LACTBL1: variants seen among roughly 807,000 people sequenced by gnomAD.
LACTBL1 encodes beta-lactamase-like protein 1.
A neutral mutation model predicts 39.6 loss-of-function variants in LACTBL1; 29 were observed. The observed-to-expected ratio is 0.73, with a 90% CI of 0.55 to 1.00. The LOEUF is 1.00. Ranked by LOEUF, LACTBL1 falls within the 50% of genes least tolerant of loss-of-function variation. The pLI, the probability that LACTBL1 is intolerant of heterozygous loss-of-function variation, is 0.00. For synonymous variants in LACTBL1, 361 were observed against 360.7 expected (o/e 1.00, Z -0.01); for missense variants, 711 against 748.5 (o/e 0.95, Z 0.59).
At chr1:22,958,465 T>C (rs1252588826) in intron 4 of LACTBL1, among the ~76,000 whole-genome samples, 1 of 152,244 alleles carries the variant, frequency 6.6e-6, no homozygotes, top group Admixed American at 6.5e-5. Flanking sequence ...CCAACTCATC[T>C]TGATGTTTCT....
intron 4 of LACTBL1, among the ~76,000 whole-genome samples, chr1:22,957,954 T>G (rs1345181256): frequency 6.6e-6 from 1 of 152,084 alleles, no homozygotes; most frequent in African/African-American, 2.4e-5. Context: ...GCCCAGCCCT[T>G]AATATTCTTA....
chr1:22,963,292 C>A, intron 1 of LACTBL1, 76 bp from the exon 4 acceptor site: 1 of 805,878 alleles, frequency 1.2e-6, no homozygotes, highest in Admixed American at 4.1e-5. Flanking sequence ...CAGCAAAGGC[C>A]AGAGCAGTGC....
intron 4 of LACTBL1, among the ~76,000 whole-genome samples, chr1:22,956,324 T>A (rs1640761444): frequency 6.6e-6 from 1 of 152,030 alleles, no homozygotes; most frequent in Non-Finnish European, 1.5e-5. Context: ...TGGGCCATAT[T>A]CATGCCACTG....
At chr1:22,953,833 G>A in exon 6 of LACTBL1, 1 of 1,547,862 alleles carries the variant, frequency 6.5e-7, no homozygotes, top group Non-Finnish European at 8.7e-7. Flanking sequence ...ATAGAGTGGC[G>A]CCGGCCGCCC....
chr1:22,956,246 C>CCT (rs1267485290), intron 4 of LACTBL1, among the ~76,000 whole-genome samples: 1 of 151,904 alleles, frequency 6.6e-6, no homozygotes, highest in African/African-American at 2.4e-5. Flanking sequence ...GTGGCACGTG[C>CCT]CTATAGTCCT....
upstream of LACTBL1, among the ~76,000 whole-genome samples, chr1:22,968,232 G>A (rs1640903244): frequency 6.6e-6 from 1 of 152,144 alleles, no homozygotes; most frequent in South Asian, 2.1e-4. Context: ...TAAACATACT[G>A]GGTAGTGTAG....
intron 2 of LACTBL1, among the ~76,000 whole-genome samples, chr1:22,960,871 C>T (rs749852): frequency 0.01 from 1,584 of 152,222 alleles, 34 homozygotes; most frequent in African/African-American, 0.036. Context: ...CCTCAACCTT[C>T]CAGGCTCAAG....
At chr1:22,957,387 T>C (rs988349918) in intron 4 of LACTBL1, among the ~76,000 whole-genome samples, 1 of 152,180 alleles carries the variant, frequency 6.6e-6, no homozygotes, top group African/African-American at 2.4e-5. Flanking sequence ...TTCCTAGAAA[T>C]GAAATTGCTG....
At chr1:22,954,392 T>C (rs1640741955) in intron 5 of LACTBL1, among the ~76,000 whole-genome samples, 1 of 152,176 alleles carries the variant, frequency 6.6e-6, no homozygotes, top group East Asian at 1.9e-4. Flanking sequence ...ACAAAAATGA[T>C]AGTGACCATG....
At chr1:22,958,949 A>G (rs1640789129) in intron 3 of LACTBL1, 29 bp from the exon 6 acceptor site, 3 of 1,484,218 alleles carry the variant, frequency 2.0e-6, no homozygotes, top group Admixed American at 2.0e-5. Flanking sequence ...ACAAGCAGTC[A>G]AAGGGCATCC....
At chr1:22,953,803 G>A in exon 6 of LACTBL1, 1 of 1,545,364 alleles carries the variant, frequency 6.5e-7, no homozygotes, top group Non-Finnish European at 8.7e-7. Context: ...CTGGCCCGAC[G>A]GCCGGTACCA....
chr1:22,970,662 T>C, the LACTBL1 span, among the ~76,000 whole-genome samples: 1 of 151,718 alleles, frequency 6.6e-6, no homozygotes, highest in Non-Finnish European at 1.5e-5. Flanking sequence ...TAGAAAAAAA[T>C]TGCCAGGCAT....
chr1:22,964,062 G>A (rs564666274), intron 1 of LACTBL1, among the ~76,000 whole-genome samples: 25 of 152,120 alleles, frequency 1.6e-4, no homozygotes, highest in South Asian at 4.2e-4. Context: ...TCAGCCTCCC[G>A]AGTAGCTGGG....
In LACTBL1 at chr1:22,964,355, G is replaced by T. The variant is rs537361750; in HGVS notation, c.49+935C>A. 3.8e-3 allele frequency among the ~76,000 whole-genome samples: 573 copies of T among 152,218 alleles called. 1 individual carries two copies. The highest frequency in any genetic ancestry group is 4.4e-3 in the Non-Finnish European group (300 of 68,016). On this transcript the variant is annotated intron_variant, in intron 1 of 5. Coordinates refer to ENST00000426928, the Ensembl canonical transcript of LACTBL1. ...GACCTTTCTAGGCTAAACCTTAAGG[G>T]GCTTACTCCCTGCGAACACTGCCAC...
chr1:22,972,813 C>G, the LACTBL1 span: 1 of 955,394 alleles, frequency 1.0e-6, no homozygotes, highest in Non-Finnish European at 1.2e-6. Context: ...AGTTAGGGCC[C>G]CAGTTTGGCT....
At chr1:22,953,053 T>G in exon 6 of LACTBL1, 15 of 1,232,338 alleles carry the variant, frequency 1.2e-5, no homozygotes, top group Non-Finnish European at 1.4e-5. Flanking sequence ...TCACTGGGTC[T>G]TGAACACCGG....
intron 5 of LACTBL1, 105 bp from the exon 8 acceptor site, chr1:22,954,129 T>C: frequency 6.9e-7 from 1 of 1,442,268 alleles, no homozygotes; most frequent in South Asian, 1.5e-5. Flanking sequence ...GGAAGGAACC[T>C]GCTCCCCTGC....
intron 2 of LACTBL1, among the ~76,000 whole-genome samples, chr1:22,962,456 C>A (rs1340084762): frequency 2.6e-5 from 4 of 152,134 alleles, no homozygotes; most frequent in Admixed American, 6.5e-5. Flanking sequence ...CTCTGACTGG[C>A]ACAGACTAGA....
At chr1:22,959,788 C>T (rs1027880458) in intron 3 of LACTBL1, among the ~76,000 whole-genome samples, 154 bp downstream of exon 5, 2 of 152,190 alleles carry the variant, frequency 1.3e-5, no homozygotes, top group African/African-American at 4.8e-5. Flanking sequence ...CTCTGGACTT[C>T]GGTCTCCTCT....
Sources: allele counts gnomAD v4.1 joint callset (sites outside exome capture counted in the v4.1 genomes callset), GRCh38; gene constraint gnomAD v4.1.1; transcripts MANE v1.5; gene names NCBI Gene and HGNC (gene_info 2026-07-23, HGNC 2026-07-21).